BICC1: variants seen among roughly 807,000 people sequenced by gnomAD.
The protein encoded by BICC1 is BicC family RNA binding protein 1.
BICC1 carries 43 observed loss-of-function variants against 111.0 expected under a neutral mutation model. The ratio of observed to expected loss-of-function variants is 0.39; its 90% CI spans 0.30 to 0.50. The LOEUF (loss-of-function observed/expected upper bound fraction) is 0.50, where lower values mean the gene tolerates loss of function less well. Among genes scored for constraint, BICC1 ranks in the 20% least tolerant of loss-of-function variants. BICC1 has a pLI of 0.88. For missense variants in BICC1, 1,091 were observed against 1,203.2 expected (o/e 0.91, Z 1.38); for synonymous variants, 467 against 434.4 (o/e 1.07, Z -0.93).
chr10:58,587,037 G>T (rs571868307), intron 1 of BICC1, among the ~76,000 whole-genome samples: 1 of 152,118 alleles, frequency 6.6e-6, no homozygotes, highest in African/African-American at 2.4e-5. Flanking sequence ...ACTGTGGGTG[G>T]CCTAATTAAA....
chr10:58,783,938 G>T (rs1228285309), intron 3 of BICC1, among the ~76,000 whole-genome samples: 1 of 152,102 alleles, frequency 6.6e-6, no homozygotes, highest in Non-Finnish European at 1.5e-5. Context: ...TGATTGAAGA[G>T]AGAATTAAGG....
At chr10:58,726,261 T>A (rs898558971) in intron 3 of BICC1, among the ~76,000 whole-genome samples, 4 of 152,162 alleles carry the variant, frequency 2.6e-5, no homozygotes, top group Admixed American at 2.6e-4. Context: ...TTAATAATAA[T>A]AATAATAGTG....
chr10:58,525,315 A>G (rs1355879371), intron 1 of BICC1, among the ~76,000 whole-genome samples: 2 of 116,606 alleles, frequency 1.7e-5, no homozygotes, highest in South Asian at 2.8e-4. Flanking sequence ...AACCAACCCA[A>G]ATGTCCATCA....
At chr10:58,619,063 C>G (rs2132131386) in intron 1 of BICC1, among the ~76,000 whole-genome samples, 1 of 152,270 alleles carries the variant, frequency 6.6e-6, no homozygotes, top group African/African-American at 2.4e-5. Context: ...TGAGCCCCCT[C>G]CTTCTTTCAT....
intron 1 of BICC1, among the ~76,000 whole-genome samples, chr10:58,539,895 T>C (rs2131879938): frequency 6.6e-6 from 1 of 151,988 alleles, no homozygotes; most frequent in Middle Eastern, 3.4e-3. Flanking sequence ...ACAAAACTAG[T>C]ATTAAGAGAA....
chr10:58,752,917 C>T (rs1024295802), intron 3 of BICC1, among the ~76,000 whole-genome samples: 15 of 152,058 alleles, frequency 9.9e-5, no homozygotes, highest in South Asian at 2.1e-4. Flanking sequence ...GACCAGGGAC[C>T]GAGGTGCCTG....
chr10:58,538,708 C>T (rs956966412), intron 1 of BICC1, among the ~76,000 whole-genome samples: 1 of 151,456 alleles, frequency 6.6e-6, no homozygotes, highest in Non-Finnish European at 1.5e-5. Flanking sequence ...TTGCATCTGA[C>T]AACATACACG....
At chr10:58,571,257 A>G (rs1183279423) in intron 1 of BICC1, among the ~76,000 whole-genome samples, 1 of 152,176 alleles carries the variant, frequency 6.6e-6, no homozygotes, top group Non-Finnish European at 1.5e-5. Flanking sequence ...TACCAAGCTC[A>G]TGGAAGAGGC....
At chr10:58,648,698 T>C in intron 2 of BICC1, 1 of 976,718 alleles carries the variant, frequency 1.0e-6, no homozygotes, top group Non-Finnish European at 1.2e-6. Flanking sequence ...CTGTTGGAAA[T>C]CCTCTCTGTT....
chr10:58,751,524 G>A (rs1841990973), intron 3 of BICC1, among the ~76,000 whole-genome samples: 1 of 152,068 alleles, frequency 6.6e-6, no homozygotes, highest in African/African-American at 2.4e-5. Flanking sequence ...TGCCCAGTGG[G>A]AACTATTTCA....
intron 2 of BICC1, among the ~76,000 whole-genome samples, chr10:58,627,692 G>T (rs376167564): frequency 3.3e-5 from 5 of 152,292 alleles, no homozygotes; most frequent in African/African-American, 1.2e-4. Context: ...CCTTTGCATT[G>T]TGTGTCTATT....
chr10:58,636,031 C>T (rs1028902774), intron 2 of BICC1, among the ~76,000 whole-genome samples: 1 of 152,162 alleles, frequency 6.6e-6, no homozygotes, highest in African/African-American at 2.4e-5. Flanking sequence ...AGTTGATACA[C>T]TAATAGTCCA....
intron 3 of BICC1, among the ~76,000 whole-genome samples, chr10:58,704,172 A>G (rs1194227477): frequency 6.6e-6 from 1 of 152,242 alleles, no homozygotes; most frequent in Non-Finnish European, 1.5e-5. Flanking sequence ...GGTGTTTGGC[A>G]TAATTTCCAC....
chr10:58,669,603 C>T (rs1225295243), intron 2 of BICC1, among the ~76,000 whole-genome samples: 1 of 152,002 alleles, frequency 6.6e-6, no homozygotes, highest in Non-Finnish European at 1.5e-5. Flanking sequence ...CCTAGGGAAA[C>T]ATGCAAAAAT....
At chr10:58,710,308 A>G (rs1485342837) in intron 3 of BICC1, among the ~76,000 whole-genome samples, 1 of 152,108 alleles carries the variant, frequency 6.6e-6, no homozygotes, top group Non-Finnish European at 1.5e-5. Context: ...TCACACCCAT[A>G]CCTTCCATGG....
intron 3 of BICC1, among the ~76,000 whole-genome samples, chr10:58,732,703 C>T (rs923066144): frequency 5.9e-5 from 9 of 151,772 alleles, no homozygotes; most frequent in African/African-American, 2.2e-4. Context: ...ATTGCTTGAG[C>T]CCAGGAGGTC....
chr10:58,746,358 G>A (rs1841837484), intron 3 of BICC1, among the ~76,000 whole-genome samples: 1 of 152,148 alleles, frequency 6.6e-6, no homozygotes, highest in Admixed American at 6.6e-5. Flanking sequence ...TATGTAGCCT[G>A]TCAGCATTTG....
At chr10:58,828,299 G>A (rs1844457865) in intron 20 of BICC1, among the ~76,000 whole-genome samples, 1 of 152,158 alleles carries the variant, frequency 6.6e-6, no homozygotes, top group Non-Finnish European at 1.5e-5. Context: ...AAAACTAAAT[G>A]ATTGCCATGT....
intron 2 of BICC1, among the ~76,000 whole-genome samples, chr10:58,633,223 G>T (rs965227207): frequency 6.6e-6 from 1 of 152,304 alleles, no homozygotes; most frequent in East Asian, 1.9e-4. Flanking sequence ...CTTCCACCAC[G>T]ATTGTGAGGC....
Sources: gnomAD v4.1 joint callset for allele counts (sites outside exome capture counted in the v4.1 genomes callset) on GRCh38, gnomAD v4.1.1 for gene constraint, MANE v1.5 for transcripts, NCBI Gene and HGNC (gene_info 2026-07-23, HGNC 2026-07-21) for gene names.